RABGAP1L: variants seen among roughly 807,000 people sequenced by gnomAD.
The protein encoded by RABGAP1L is RAB GTPase activating protein 1 like, also known as rab GTPase-activating protein 1-like.
In RABGAP1L, 63 loss-of-function variants were observed where a neutral mutation model predicts 137.7. The observed-to-expected ratio is 0.46, with a 90% CI of 0.37 to 0.56. The LOEUF (loss-of-function observed/expected upper bound fraction) is 0.56, where lower values mean the gene tolerates loss of function less well. Ranked by LOEUF, RABGAP1L falls within the 20% of genes least tolerant of loss-of-function variation. The pLI is 0.00. For synonymous variants in RABGAP1L, 431 were observed against 433.7 expected (o/e 0.99, Z 0.08); for missense variants, 1,095 against 1,244.0 (o/e 0.88, Z 1.80).
chr1:174,361,081 C>G (rs951030756), intron 11 of RABGAP1L, among the ~76,000 whole-genome samples: 72 of 152,124 alleles, frequency 4.7e-4, no homozygotes, highest in African/African-American at 1.7e-3. Context: ...GGCATGAACC[C>G]GGGAGGCAGA....
At chr1:174,330,132 T>C (rs1322820952) in intron 11 of RABGAP1L, among the ~76,000 whole-genome samples, 1 of 152,164 alleles carries the variant, frequency 6.6e-6, no homozygotes. Flanking sequence ...GCAGACAATA[T>C]GATTATCTAT....
intron 11 of RABGAP1L, among the ~76,000 whole-genome samples, chr1:174,365,811 A>G (rs1041995990): frequency 1.4e-4 from 22 of 152,174 alleles, no homozygotes; most frequent in African/African-American, 5.3e-4. Context: ...GTGATTGCTC[A>G]CCTGATGTTT....
At chr1:174,207,617 A>G (rs559260908) in intron 1 of RABGAP1L, among the ~76,000 whole-genome samples, 1 of 152,266 alleles carries the variant, frequency 6.6e-6, no homozygotes, top group South Asian at 2.1e-4. Flanking sequence ...TGCTATCCCA[A>G]ATAATTCATT....
At chr1:174,574,375 GT>G (rs149495125) in intron 13 of RABGAP1L, among the ~76,000 whole-genome samples, 3 of 151,768 alleles carry the variant, frequency 2.0e-5, no homozygotes, top group East Asian at 1.9e-4. Context: ...ATCCCTTTTA[GT>G]TTTTTTTAAT....
At chr1:174,713,278 C>G (rs1437474589) in intron 17 of RABGAP1L, among the ~76,000 whole-genome samples, 2 of 152,152 alleles carry the variant, frequency 1.3e-5, no homozygotes, top group African/African-American at 2.4e-5. Flanking sequence ...CCATGCATGT[C>G]TGTTTTTTTT....
At chr1:174,898,483 T>G (rs996273422) in intron 19 of RABGAP1L, among the ~76,000 whole-genome samples, 2 of 152,234 alleles carry the variant, frequency 1.3e-5, no homozygotes, top group Non-Finnish European at 2.9e-5. Flanking sequence ...AACAGTTTCT[T>G]AGGAAGGTGA....
At chr1:174,327,976 TATACACAC>T (rs375022365) in intron 11 of RABGAP1L, among the ~76,000 whole-genome samples, 9,584 of 30,468 alleles carry the variant, frequency 0.31, 578 homozygotes, top group Middle Eastern at 0.42. Flanking sequence ...TATATATATA[TATACACAC>T]ACATATATAT....
chr1:174,506,025 GT>G (rs1405692933), intron 13 of RABGAP1L, among the ~76,000 whole-genome samples: 1 of 152,152 alleles, frequency 6.6e-6, no homozygotes, highest in Non-Finnish European at 1.5e-5. Context: ...GTTATATTCT[GT>G]GAAATAAACT....
chr1:174,551,091 C>T (rs1026042311), intron 13 of RABGAP1L, among the ~76,000 whole-genome samples: 4 of 146,320 alleles, frequency 2.7e-5, no homozygotes, highest in South Asian at 2.1e-4. Context: ...CGCATGTAGT[C>T]GCAGCTACTC....
intron 5 of RABGAP1L, chr1:174,244,604 C>A (rs1672102291): frequency 6.6e-6 from 1 of 152,122 alleles, no homozygotes; most frequent in African/African-American, 2.4e-5. Context: ...GTTGGACAAT[C>A]CAACCAGAAG....
intron 13 of RABGAP1L, among the ~76,000 whole-genome samples, chr1:174,441,504 G>C (rs140850388): frequency 4.6e-5 from 7 of 152,254 alleles, no homozygotes; most frequent in South Asian, 2.1e-4. Context: ...GGAGGCTGAG[G>C]GGGGTGGATT....
intron 13 of RABGAP1L, among the ~76,000 whole-genome samples, chr1:174,411,443 G>T (rs1246495101): frequency 6.6e-6 from 1 of 152,050 alleles, no homozygotes; most frequent in Non-Finnish European, 1.5e-5. Flanking sequence ...TATCATGAAG[G>T]GATGTTGGAT....
intron 1 of RABGAP1L, among the ~76,000 whole-genome samples, chr1:174,195,749 T>C (rs564333695): frequency 1.4e-4 from 19 of 139,216 alleles, no homozygotes; most frequent in African/African-American, 4.6e-4. Context: ...CTTTCTTTCT[T>C]TCTCTCTTTC....
At chr1:174,596,348 T>G (rs1669915813) in intron 13 of RABGAP1L, among the ~76,000 whole-genome samples, 1 of 152,148 alleles carries the variant, frequency 6.6e-6, no homozygotes, top group African/African-American at 2.4e-5. Flanking sequence ...AGACCGGAGC[T>G]GTTCCTATTC....
intron 17 of RABGAP1L, among the ~76,000 whole-genome samples, chr1:174,716,404 C>A (rs1681014755): frequency 6.6e-6 from 1 of 152,198 alleles, no homozygotes. Flanking sequence ...ACCTCAGTCT[C>A]CCAAGTAGCT....
intron 11 of RABGAP1L, among the ~76,000 whole-genome samples, chr1:174,348,717 T>G (rs2148914089): frequency 6.7e-6 from 1 of 148,592 alleles, no homozygotes; most frequent in South Asian, 2.2e-4. Context: ...TGCACCGCCC[T>G]TAATCCATTT....
At chr1:174,914,306 G>C (rs540412267) in intron 19 of RABGAP1L, among the ~76,000 whole-genome samples, 6 of 152,318 alleles carry the variant, frequency 3.9e-5, no homozygotes, top group African/African-American at 1.4e-4. Flanking sequence ...GAAAGGAAGA[G>C]AGAATACATC....
chr1:174,215,083 TAC>T (rs1469752971), intron 1 of RABGAP1L, among the ~76,000 whole-genome samples: 1 of 152,194 alleles, frequency 6.6e-6, no homozygotes, highest in Non-Finnish European at 1.5e-5. Flanking sequence ...ATTTTCAAAC[TAC>T]CTATCTGACA....
intron 21 of RABGAP1L, among the ~76,000 whole-genome samples, chr1:174,973,984 T>G (rs930791265): frequency 1.4e-3 from 93 of 66,462 alleles, no homozygotes; most frequent in Admixed American, 3.8e-3. Flanking sequence ...TTTTTGTTTT[T>G]TTTTTTTTTT....
Sources: gnomAD v4.1 joint callset for allele counts (sites outside exome capture counted in the v4.1 genomes callset) on GRCh38, gnomAD v4.1.1 for gene constraint, MANE v1.5 for transcripts, NCBI Gene and HGNC (gene_info 2026-07-23, HGNC 2026-07-21) for gene names.